ELFN1: variants seen among roughly 807,000 people sequenced by gnomAD.
ELFN1 encodes protein ELFN1.
ELFN1 carries 6 observed loss-of-function variants against 7.6 expected under a neutral mutation model. The observed-to-expected ratio is 0.79, with a 90% CI of 0.43 to 1.56. The LOEUF (loss-of-function observed/expected upper bound fraction) is 1.56. Ranked by LOEUF, ELFN1 falls within the 40% of genes most tolerant of loss-of-function variation. The pLI is 0.01. For missense variants in ELFN1, 1,169 were observed against 1,232.2 expected (o/e 0.95, Z 0.77); for synonymous variants, 657 against 588.1 (o/e 1.12, Z -1.70).
At chr7:1,690,376 GATGA>G (rs1411463136) in intron 2 of ELFN1, among the ~76,000 whole-genome samples, 1 of 150,424 alleles carries the variant, frequency 6.6e-6, no homozygotes, top group Non-Finnish European at 1.5e-5. Context: ...TGGGTGAATG[GATGA>G]ATGGATAGGT....
At chr7:1,713,794 C>T (rs1024678195) in intron 3 of ELFN1, among the ~76,000 whole-genome samples, 1 of 152,234 alleles carries the variant, frequency 6.6e-6, no homozygotes, top group African/African-American at 2.4e-5. Flanking sequence ...TGCTCAAGTG[C>T]AGGGCTGGCA....
chr7:1,671,350 C>T (rs1477170125), intron 1 of ELFN1, among the ~76,000 whole-genome samples: 1 of 152,228 alleles, frequency 6.6e-6, no homozygotes, highest in Non-Finnish European at 1.5e-5. Flanking sequence ...CGAGGCCGGC[C>T]GAGCCAGGTG....
In ELFN1 at chr7:1,745,805, C is replaced by A; in HGVS notation, c.1209C>A (p.Pro403=). The A allele has an allele frequency of 6.4e-7, 1 of 1,561,702 alleles. No individual in the cohort carries two copies. The highest frequency in any genetic ancestry group is 8.7e-7 in the Non-Finnish European group (1 of 1,155,074). Reference sequence around the variant, plus strand: ...TCACCATCTGCTTGCCCCGGCTGCCCAGCCCGCCTGGTCCGGTGCCCAGCC... The same window carrying A: ...TCACCATCTGCTTGCCCCGGCTGCCAAGCCCGCCTGGTCCGGTGCCCAGCC... ...TCLTICLPRL[P]SPPGPVPSPS... is the part of the protein sequence containing the mutation. Residue 403 remains proline, a synonymous_variant, in exon 4 of 4, where the codon CCC becomes CCA. Coordinates refer to ENST00000424383, the MANE Select transcript of ELFN1 (RefSeq NM_001128636.4).
At chr7:1,688,373 T>C (rs1779096984) in intron 2 of ELFN1, among the ~76,000 whole-genome samples, 1 of 152,224 alleles carries the variant, frequency 6.6e-6, no homozygotes, top group African/African-American at 2.4e-5. Flanking sequence ...TGGTTAGCAC[T>C]TTCTGTTAGC....
chr7:1,745,953 G>C lies in ELFN1; in HGVS notation c.1357G>C (p.Ala453Pro), dbSNP rs1030844528. The change falls in exon 4 of 4, where the codon GCC becomes CCC. Residue 453 changes from alanine (A) to proline (P), a missense_variant. Transcript: ENST00000424383. ...GCGCCAGGAGGAGAAGCACAAGAAG[G>C]CCGCCTCGGCAGCCGCAGCTGGCAG... ...RRRQEEKHKK[A>P]ASAAAAGSLK... is the part of the protein sequence containing the mutation. 1 of 1,549,062 alleles carries C rather than the reference G, an allele frequency of 6.5e-7. No homozygotes were observed. The highest frequency in any genetic ancestry group is 8.7e-7 in the Non-Finnish European group (1 of 1,146,530).
chr7:1,679,180 C>T (rs1244335105), intron 1 of ELFN1, among the ~76,000 whole-genome samples: 1 of 132,018 alleles, frequency 7.6e-6, no homozygotes, highest in Non-Finnish European at 1.5e-5. Flanking sequence ...CGTACGCGCG[C>T]ACACACACAC....
At chr7:1,706,429 CAAA>C (rs1779532071) in intron 2 of ELFN1, among the ~76,000 whole-genome samples, 1 of 77,744 alleles carries the variant, frequency 1.3e-5, no homozygotes, top group African/African-American at 1.2e-4. Flanking sequence ...CTCAAAAAAA[CAAA>C]ACAAAACAAA....
chr7:1,693,094 C>T (rs866523922), intron 2 of ELFN1: 13 of 328,382 alleles, frequency 4.0e-5, no homozygotes, highest in Admixed American at 1.9e-4. Context: ...TGGGCTGGCC[C>T]GTCCTTCACC....
intron 2 of ELFN1, among the ~76,000 whole-genome samples, chr7:1,698,932 GTCTCTCCAGGTCACC>G (rs997239667): frequency 6.6e-6 from 1 of 152,118 alleles, no homozygotes; most frequent in Non-Finnish European, 1.5e-5. Context: ...TCTCCTGATG[GTCTCTCCAGGTCACC>G]TCTCCCCCAC....
rs117659918 is a variant in ELFN1 at position 1,678,694 on chromosome 7, C to G, written c.-549+8340C>G. Among the ~76,000 whole-genome samples, 438 of 152,354 alleles carry G rather than the reference C, an allele frequency of 2.9e-3. 1 individual carries two copies. The highest frequency in any genetic ancestry group is 7.8e-3 in the Admixed American group (120 of 15,312). On this transcript the variant is annotated intron_variant, in intron 1 of 3. Transcript: ENST00000424383. ...CCAGCCTCAGCCCTGCTGCCCTTGC[C>G]TGGCCCCAGCGGTCGTGGGTGTGGA...
At chr7:1,693,283 G>A (rs1277824292) in intron 2 of ELFN1, 1 of 452,892 alleles carries the variant, frequency 2.2e-6, no homozygotes, top group South Asian at 1.6e-5. Context: ...TGTACTGGCT[G>A]GGGAAAGGAA....
At chr7:1,736,573 T>C (rs1201366566) in intron 3 of ELFN1, among the ~76,000 whole-genome samples, 2 of 152,224 alleles carry the variant, frequency 1.3e-5, no homozygotes, top group African/African-American at 4.8e-5. Context: ...TCACACGCAC[T>C]GTCCCCATCG....
chr7:1,679,132 C>A (rs1442882298), intron 1 of ELFN1, among the ~76,000 whole-genome samples: 3 of 151,990 alleles, frequency 2.0e-5, no homozygotes, highest in Non-Finnish European at 4.4e-5. Context: ...CCCACATACA[C>A]ACACACGCGT....
At chr7:1,706,225 C>G (rs1779527543) in intron 2 of ELFN1, among the ~76,000 whole-genome samples, 1 of 152,164 alleles carries the variant, frequency 6.6e-6, no homozygotes, top group Non-Finnish European at 1.5e-5. Flanking sequence ...GAGTTCAAGA[C>G]CAGCCTGGCC....
At chr7:1,693,899 ACCT>A (rs544546428) in intron 2 of ELFN1, 334 of 404,716 alleles carry the variant, frequency 8.3e-4, no homozygotes, top group African/African-American at 6.4e-3. Flanking sequence ...AGTCCATGCC[ACCT>A]CCTCCTGCGT....
rs150605144 is a variant in ELFN1 at position 1,704,139 on chromosome 7, C to T, written c.-455-4952C>T. Among the ~76,000 whole-genome samples, 142 of 152,310 alleles carry T rather than the reference C, an allele frequency of 9.3e-4. 1 individual carries two copies. In the Middle Eastern group the frequency reaches 0.024, roughly 26 times the overall value. On this transcript the variant is annotated intron_variant, in intron 2 of 3. Transcript: ENST00000424383. ...CTGGCATTTGCCACAGGTGCACAACCGCTGTTGTTCTTGTTACGGCTGCCA... is the reference window on the plus strand; with the variant it reads ...CTGGCATTTGCCACAGGTGCACAACTGCTGTTGTTCTTGTTACGGCTGCCA...
rs1452152922 is a variant in ELFN1, at chr7:1,673,400, C to T, written c.-549+3046C>T. Among the ~76,000 whole-genome samples, 1 of 152,186 alleles carries T rather than the reference C, an allele frequency of 6.6e-6. No individual in the cohort carries two copies. The highest frequency in any genetic ancestry group is 1.5e-5 in the Non-Finnish European group (1 of 68,036). On this transcript the variant is annotated intron_variant, in intron 1 of 3. Transcript: ENST00000424383. The surrounding 1 kb of genome is among the most constrained non-coding windows in gnomAD (Gnocchi z 4.7). ...TGGGGGCTGCTGCCTCCCTTCACCC[C>T]TGTGCACCCTGAGCCAGTCAGTGGC...
intron 3 of ELFN1, among the ~76,000 whole-genome samples, chr7:1,737,777 T>C (rs116715568): frequency 0.061 from 9,281 of 152,228 alleles, 932 homozygotes; most frequent in African/African-American, 0.21. Context: ...CAGAGGCCAC[T>C]GGTGGTTCCT....
rs912409930 is a variant in ELFN1 at position 1,744,572 on chromosome 7, T to C, written c.-25T>C. 8.2e-6 allele frequency: 12 copies of C among 1,468,764 alleles called. No homozygotes were observed. Among genetic ancestry groups the C allele is most frequent in the Non-Finnish European group, 1.1e-5 (12 of 1,114,310 alleles). The allele number at this position is 1,468,764 out of a possible 1,614,324, so 91.0% of individuals were successfully genotyped here. A position where few individuals can be genotyped will look rare whatever the true frequency, so the allele number is the denominator to read the frequency against. ...CCTGGTCCCCCTGGGCAGGCTGAAT[T>C]GGGGCTCCCTGCAGGGCGGTCCCGA... On this transcript the variant is annotated 5_prime_UTR_variant, in exon 4 of 4. Transcript: ENST00000424383.
Sources: gnomAD v4.1 joint callset for allele counts (sites outside exome capture counted in the v4.1 genomes callset) on GRCh38, gnomAD v4.1.1 for gene constraint, Gnocchi (gnomAD v3.1) non-coding constraint, MANE v1.5 for transcripts, NCBI Gene and HGNC (gene_info 2026-07-23, HGNC 2026-07-21) for gene names.